The following FANCL variants were observed in gnomAD, a reference collection of about 807,000 sequenced individuals.
FANCL encodes the protein FA complementation group L.
Under a neutral mutation model 59.4 loss-of-function variants are expected in FANCL, and 69 were observed. The ratio of observed to expected loss-of-function variants is 1.16; its 90% CI spans 0.96 to 1.42. The LOEUF is 1.42. Among genes scored for constraint, FANCL ranks in the 40% most tolerant of loss-of-function variants. The pLI, the probability that FANCL is intolerant of heterozygous loss-of-function variation, is 0.00. For synonymous variants in FANCL, 180 were observed against 147.1 expected (o/e 1.22, Z -1.62); for missense variants, 519 against 447.2 (o/e 1.16, Z -1.45).
At chr2:58,237,087 A>G (rs905778196) in intron 1 of FANCL, among the ~76,000 whole-genome samples, 3 of 152,130 alleles carry the variant, frequency 2.0e-5, no homozygotes, top group Non-Finnish European at 4.4e-5. Context: ...AGTGCTACCC[A>G]ATAAGGGCCT....
intron 5 of FANCL, among the ~76,000 whole-genome samples, chr2:58,218,628 A>G (rs980803574): frequency 2.0e-5 from 3 of 151,974 alleles, no homozygotes; most frequent in Admixed American, 2.0e-4. Context: ...CAAAAAAAAA[A>G]AAACTATAAA....
At position 58,160,193 on chromosome 2, in the gene FANCL, A is replaced by AAGAT. The variant is rs766440818; in HGVS notation, c.1021-18_1021-15dup. On this transcript the variant is annotated splice_polypyrimidine_tract_variant and intron_variant, in intron 12 of 13. Coordinates refer to ENST00000233741, the MANE Select transcript of FANCL (RefSeq NM_018062.4). ...TCCTCTCAGCCACTGCAAATTTTAA[A>AAGAT]AGATAAAGGAGAAGCGTCAGCATGA... The AAGAT allele has an allele frequency of 7.4e-6, 12 of 1,611,604 alleles. No homozygotes were observed. The highest frequency in any genetic ancestry group is 4.5e-5 in the East Asian group (2 of 44,748).
At chr2:58,219,446 G>A (rs1692255844) in intron 5 of FANCL, among the ~76,000 whole-genome samples, 2 of 151,662 alleles carry the variant, frequency 1.3e-5, no homozygotes, top group African/African-American at 2.4e-5. Context: ...CCTAAAGGAG[G>A]TGTGAGCGTA....
At chr2:58,168,289 C>G (rs917622916) in intron 7 of FANCL, among the ~76,000 whole-genome samples, 1 of 152,078 alleles carries the variant, frequency 6.6e-6, no homozygotes, top group African/African-American at 2.4e-5. Flanking sequence ...GTGGGTGCAG[C>G]CCACAGAGGG....
At chr2:58,161,427 G>T in intron 12 of FANCL, 95 bp downstream of exon 12, 1 of 837,752 alleles carries the variant, frequency 1.2e-6, no homozygotes, top group Non-Finnish European at 2.1e-6. Flanking sequence ...GATCACTATT[G>T]ACTCAACAGA....
At chr2:58,229,651 T>C (rs769641715) in intron 3 of FANCL, among the ~76,000 whole-genome samples, 163 bp downstream of exon 3, 12 of 152,196 alleles carry the variant, frequency 7.9e-5, no homozygotes, top group Non-Finnish European at 1.6e-4. Flanking sequence ...GGAGATCTCC[T>C]GAGGACACTG....
rs555071525 is a variant in FANCL, at chr2:58,173,106, G to A, written c.541-7232C>T. Among the ~76,000 whole-genome samples the A allele has an allele frequency of 1.4e-3, 207 of 152,214 alleles. 1 individual carries two copies. The highest frequency in any genetic ancestry group is 3.9e-3 in the East Asian group (20 of 5,170). On this transcript the variant is annotated intron_variant, in intron 7 of 13. Coordinates refer to ENST00000233741, the MANE Select transcript of FANCL (RefSeq NM_018062.4). ...TAGAGAAAAAAGAATAACAAGAAAC[G>A]AACAAAGCCTCCAAGAAATATGGCA...
chr2:58,235,135 C>T (rs1693898231), intron 1 of FANCL, among the ~76,000 whole-genome samples: 1 of 151,730 alleles, frequency 6.6e-6, no homozygotes, highest in Non-Finnish European at 1.5e-5. Flanking sequence ...GTACAATTCG[C>T]AAGGTATAGT....
At chr2:58,213,534 G>A (rs1558801456) in intron 5 of FANCL, 2 of 152,082 alleles carry the variant, frequency 1.3e-5, no homozygotes, top group East Asian at 1.9e-4. Flanking sequence ...TTTTTAAACA[G>A]TATAAAACAA....
At chr2:58,169,069 C>T (rs1228671404) in intron 7 of FANCL, among the ~76,000 whole-genome samples, 1 of 152,190 alleles carries the variant, frequency 6.6e-6, no homozygotes, top group African/African-American at 2.4e-5. Context: ...AAAAGAGCAG[C>T]AGATCTCCCA....
At chr2:58,204,313 T>A in intron 5 of FANCL, 87 bp from the exon 6 acceptor site, 1 of 968,252 alleles carries the variant, frequency 1.0e-6, no homozygotes, top group South Asian at 1.3e-5. Flanking sequence ...AATGAAAATA[T>A]TTGCTATATT....
chr2:58,218,039 C>T (rs1573759035), intron 5 of FANCL, among the ~76,000 whole-genome samples: 1 of 151,824 alleles, frequency 6.6e-6, no homozygotes, highest in Non-Finnish European at 1.5e-5. Context: ...AACTCAATAA[C>T]CCAAAAATCT....
chr2:58,230,282 A>G (rs1266656037), intron 2 of FANCL, among the ~76,000 whole-genome samples: 7 of 152,198 alleles, frequency 4.6e-5, no homozygotes, highest in Non-Finnish European at 8.8e-5. Context: ...CCCGATTAAT[A>G]TAACTAAAAG....
intron 7 of FANCL, among the ~76,000 whole-genome samples, chr2:58,176,474 C>T (rs916352702): frequency 6.6e-6 from 1 of 151,968 alleles, no homozygotes; most frequent in African/African-American, 2.4e-5. Flanking sequence ...GAAATAACGC[C>T]GCATATCTAC....
chr2:58,171,761 A>G (rs576866691), intron 7 of FANCL, among the ~76,000 whole-genome samples: 12 of 152,332 alleles, frequency 7.9e-5, no homozygotes, highest in Non-Finnish European at 1.2e-4. Flanking sequence ...GGCGCAAGAC[A>G]GTGGGTGCAG....
At chr2:58,235,896 A>G (rs1022038580) in intron 1 of FANCL, among the ~76,000 whole-genome samples, 2 of 152,002 alleles carry the variant, frequency 1.3e-5, no homozygotes, top group Admixed American at 1.3e-4. Context: ...ACCTTACAAA[A>G]GAAGGTATTA....
chr2:58,180,972 T>A (rs568626296), intron 7 of FANCL, among the ~76,000 whole-genome samples: 68 of 152,102 alleles, frequency 4.5e-4, no homozygotes, highest in Non-Finnish European at 5.7e-4. Flanking sequence ...TCAGTGCGCA[T>A]GTAAATGGCA....
intron 5 of FANCL, among the ~76,000 whole-genome samples, chr2:58,220,785 G>C (rs1692400145): frequency 6.6e-6 from 1 of 152,146 alleles, no homozygotes; most frequent in Admixed American, 6.5e-5. Flanking sequence ...AACATATTAA[G>C]AAAAACTTAG....
At chr2:58,191,501 T>C (rs1385803140) in intron 7 of FANCL, among the ~76,000 whole-genome samples, 2 of 151,888 alleles carry the variant, frequency 1.3e-5, no homozygotes, top group Admixed American at 1.3e-4. Flanking sequence ...CTGTTATTTA[T>C]AGTACAATGT....
Sources: gnomAD v4.1 joint callset for allele counts (sites outside exome capture counted in the v4.1 genomes callset) on GRCh38, gnomAD v4.1.1 for gene constraint, MANE v1.5 for transcripts, NCBI Gene and HGNC (gene_info 2026-07-23, HGNC 2026-07-21) for gene names.